The following TFB1M variants were observed in gnomAD, a reference collection of about 807,000 sequenced individuals.
TFB1M encodes the protein dimethyladenosine transferase 1, mitochondrial.
TFB1M carries 27 observed loss-of-function variants against 31.1 expected under a neutral mutation model. That is an observed-to-expected ratio of 0.87 (90% CI 0.64 to 1.20). TFB1M has a LOEUF of 1.20. TFB1M is among the 50% of genes most tolerant of loss of function. The probability of loss-of-function intolerance (pLI) is 0.00; values close to 1 mark genes in which losing one functional copy is unlikely to be tolerated. For missense variants in TFB1M, 394 were observed against 418.7 expected (o/e 0.94, Z 0.51); for synonymous variants, 166 against 151.8 (o/e 1.09, Z -0.69).
At chr6:155,247,559 C>T in the TFB1M span, among the ~76,000 whole-genome samples, 2 of 152,210 alleles carry the variant, frequency 1.3e-5, no homozygotes, top group African/African-American at 4.8e-5. Context: ...AACTCGTGAC[C>T]TCAGGTGATC....
intron 5 of TFB1M, among the ~76,000 whole-genome samples, chr6:155,274,540 C>G (rs979736489): frequency 5.3e-5 from 8 of 152,320 alleles, no homozygotes; most frequent in Non-Finnish European, 2.9e-5. Context: ...TTCAGAATAG[C>G]CGGCTTCATT....
At chr6:155,238,297 C>T in the TFB1M span, among the ~76,000 whole-genome samples, 1 of 152,256 alleles carries the variant, frequency 6.6e-6, no homozygotes, top group African/African-American at 2.4e-5. Context: ...ATTCATTTCA[C>T]TATCAGCATC....
At chr6:155,291,228 A>G (rs984549523) in intron 4 of TFB1M, among the ~76,000 whole-genome samples, 2 of 152,196 alleles carry the variant, frequency 1.3e-5, no homozygotes, top group African/African-American at 4.8e-5. Context: ...CAGTGTCAGA[A>G]TTGAATGAAA....
downstream of TFB1M, chr6:155,255,340 T>C (rs1447321717): frequency 2.0e-5 from 3 of 152,228 alleles, no homozygotes; most frequent in Admixed American, 6.5e-5. Context: ...CAAATCACGT[T>C]GTTCTTTCTG....
At chr6:155,235,561 A>G in the TFB1M span, among the ~76,000 whole-genome samples, 8 of 152,370 alleles carry the variant, frequency 5.3e-5, no homozygotes, top group East Asian at 1.5e-3. Context: ...TAATCACCCA[A>G]GTGACTCCTT....
At chr6:155,242,493 T>C in the TFB1M span, among the ~76,000 whole-genome samples, 2 of 152,146 alleles carry the variant, frequency 1.3e-5, no homozygotes. Flanking sequence ...GGGAGGTTTT[T>C]ATGGTGAAAG....
At chr6:155,298,611 T>G (rs763918367) in intron 2 of TFB1M, 26 bp from the exon 3 acceptor site, 1 of 1,430,114 alleles carries the variant, frequency 7.0e-7, no homozygotes, top group African/African-American at 1.4e-5. Context: ...ATCAGTAAAA[T>G]GAGCTCATAT....
downstream of TFB1M, chr6:155,253,579 CT>C (rs1441045968): frequency 2.3e-5 from 4 of 175,320 alleles, no homozygotes; most frequent in Non-Finnish European, 4.8e-5. Context: ...GTCAGAAGTG[CT>C]TATGTTTTCG....
At chr6:155,244,883 A>G in the TFB1M span, 1 of 1,355,818 alleles carries the variant, frequency 7.4e-7, no homozygotes, top group Non-Finnish European at 9.9e-7. Flanking sequence ...TTGTCCTGTG[A>G]CTATTGACTA....
chr6:155,291,762 C>T (rs1265424377), intron 4 of TFB1M, among the ~76,000 whole-genome samples: 1 of 152,118 alleles, frequency 6.6e-6, no homozygotes, highest in East Asian at 1.9e-4. Context: ...CAGACATTGC[C>T]AAATGCCCCT....
chr6:155,287,763 C>T (rs1776732692), intron 4 of TFB1M, among the ~76,000 whole-genome samples: 1 of 151,990 alleles, frequency 6.6e-6, no homozygotes, highest in African/African-American at 2.4e-5. Context: ...TAAAATTGAA[C>T]AGAGCTGAGT....
Position 155,256,861 on chromosome 6 carries a change from G to A in TFB1M, c.*975C>T, listed in dbSNP as rs370846466. The A allele has an allele frequency of 6.8e-6, 11 of 1,614,202 alleles. No individual in the cohort carries two copies. The African/African-American group carries it at 1.1e-4, about 16-fold the overall frequency. On this transcript the variant is annotated 3_prime_UTR_variant, in exon 7 of 7. Transcript: ENST00000367166. ...TGAGCAGCAGCCTGGCCCGGAGTCGGGTGAGGGTCAGAAAGGAGGAGAGCA... is the reference window on the plus strand; with the variant it reads ...TGAGCAGCAGCCTGGCCCGGAGTCGAGTGAGGGTCAGAAAGGAGGAGAGCA...
At chr6:155,301,399 G>C (rs1777424105) in intron 2 of TFB1M, among the ~76,000 whole-genome samples, 1 of 152,200 alleles carries the variant, frequency 6.6e-6, no homozygotes, top group Admixed American at 6.5e-5. Flanking sequence ...AATAACACAT[G>C]AAGACCTTCT....
At chr6:155,276,412 T>C (rs769992530) in intron 5 of TFB1M, 1 of 1,570,708 alleles carries the variant, frequency 6.4e-7, no homozygotes, top group Non-Finnish European at 8.7e-7. Context: ...ATGGAACTTT[T>C]GGGTGCCAAA....
chr6:155,244,585 G>A, the TFB1M span: 2 of 1,503,866 alleles, frequency 1.3e-6, no homozygotes, highest in East Asian at 4.6e-5. Flanking sequence ...ATTTATTTGT[G>A]GGCCTAAGAG....
chr6:155,271,525 GTTTTCTT>G (rs1485176521), intron 5 of TFB1M, among the ~76,000 whole-genome samples: 1 of 151,924 alleles, frequency 6.6e-6, no homozygotes, highest in African/African-American at 2.4e-5. Context: ...TTGTTGCTGG[GTTTTCTT>G]TTTTCTTTTA....
the TFB1M span, among the ~76,000 whole-genome samples, chr6:155,233,555 A>G: frequency 6.6e-6 from 1 of 152,222 alleles, no homozygotes; most frequent in African/African-American, 2.4e-5. Context: ...CCATACATTA[A>G]AACACAAATA....
At chr6:155,255,515 T>C (rs972901420), downstream of TFB1M, 11 of 152,180 alleles carry the variant, frequency 7.2e-5, no homozygotes, top group Admixed American at 4.6e-4. Context: ...ATTTTCTCCA[T>C]TGTCAAAATA....
intron 5 of TFB1M, among the ~76,000 whole-genome samples, chr6:155,278,280 G>A (rs934769064): frequency 3.3e-5 from 5 of 152,176 alleles, no homozygotes; most frequent in African/African-American, 1.2e-4. Context: ...GTTCAAGCCC[G>A]CATCTGCACT....
Sources: gnomAD v4.1 joint callset for allele counts (sites outside exome capture counted in the v4.1 genomes callset) on GRCh38, gnomAD v4.1.1 for gene constraint, MANE v1.5 for transcripts, NCBI Gene and HGNC (gene_info 2026-07-23, HGNC 2026-07-21) for gene names.